The following RBMS3 variants were observed in gnomAD, a reference collection of about 807,000 sequenced individuals.
RBMS3 encodes the protein RNA binding motif single stranded interacting protein 3.
Under a neutral mutation model 66.8 loss-of-function variants are expected in RBMS3, and 27 were observed. That is an observed-to-expected ratio of 0.40 (90% CI 0.30 to 0.56). The LOEUF is 0.56. Ranked by LOEUF, RBMS3 falls within the 20% of genes least tolerant of loss-of-function variation. The probability of loss-of-function intolerance (pLI) is 0.40; values close to 1 mark genes in which losing one functional copy is unlikely to be tolerated. For missense variants in RBMS3, 513 were observed against 549.5 expected (o/e 0.93, Z 0.66); for synonymous variants, 188 against 183.0 (o/e 1.03, Z -0.22).
intron 4 of RBMS3, among the ~76,000 whole-genome samples, chr3:29,680,607 C>T (rs1172584135): frequency 6.6e-6 from 1 of 152,122 alleles, no homozygotes; most frequent in Non-Finnish European, 1.5e-5. Flanking sequence ...GTAAAATTTC[C>T]CTAACATTTT....
intron 4 of RBMS3, among the ~76,000 whole-genome samples, chr3:29,673,014 C>T (rs1417642089): frequency 1.3e-5 from 2 of 151,314 alleles, no homozygotes; most frequent in South Asian, 2.1e-4. Flanking sequence ...TTACATTCCT[C>T]AGCAAATGTA....
At chr3:29,447,058 A>G (rs973338379) in intron 2 of RBMS3, among the ~76,000 whole-genome samples, 4 of 151,782 alleles carry the variant, frequency 2.6e-5, no homozygotes, top group Admixed American at 2.6e-4. Context: ...GATTGCAGGC[A>G]TCTGCCACCA....
intron 1 of RBMS3, among the ~76,000 whole-genome samples, chr3:29,400,898 T>C (rs984695924): frequency 3.9e-5 from 6 of 151,968 alleles, no homozygotes; most frequent in African/African-American, 1.4e-4. Context: ...AAACAGGAGA[T>C]TTTTGGACTG....
intron 3 of RBMS3, among the ~76,000 whole-genome samples, chr3:29,501,972 G>A (rs1431570869): frequency 9.2e-5 from 14 of 152,080 alleles, no homozygotes. Context: ...CTGCAGCTCA[G>A]CCCCATGAGC....
chr3:29,589,996 C>T (rs1018234637), intron 4 of RBMS3, among the ~76,000 whole-genome samples: 1 of 152,002 alleles, frequency 6.6e-6, no homozygotes, highest in African/African-American at 2.4e-5. Context: ...TAGCAAGTTA[C>T]CCAGGAAGTG....
chr3:29,691,610 A>G (rs530470289), intron 4 of RBMS3, among the ~76,000 whole-genome samples: 1 of 152,314 alleles, frequency 6.6e-6, no homozygotes, highest in East Asian at 1.9e-4. Flanking sequence ...AGGAAAAAAT[A>G]AAATAAAACA....
intron 3 of RBMS3, among the ~76,000 whole-genome samples, chr3:29,532,141 G>C (rs2045373546): frequency 6.7e-6 from 1 of 149,732 alleles, no homozygotes; most frequent in African/African-American, 2.5e-5. Context: ...TACTGTTTAG[G>C]TCTTCTATCT....
intron 3 of RBMS3, among the ~76,000 whole-genome samples, chr3:29,494,562 A>G (rs1016782047): frequency 1.3e-5 from 2 of 152,220 alleles, no homozygotes; most frequent in African/African-American, 4.8e-5. Flanking sequence ...TTCAAACACA[A>G]GGACTAAATA....
chr3:29,360,104 G>T (rs951037744), intron 1 of RBMS3, among the ~76,000 whole-genome samples: 10 of 152,022 alleles, frequency 6.6e-5, no homozygotes, highest in Non-Finnish European at 1.5e-4. Flanking sequence ...GAATGTGTTT[G>T]CTCTTGTTTC....
chr3:29,890,335 A>G (rs1037439730), intron 8 of RBMS3, among the ~76,000 whole-genome samples: 1 of 151,680 alleles, frequency 6.6e-6, no homozygotes, highest in Non-Finnish European at 1.5e-5. Context: ...GGAGCCTAAC[A>G]TAAGTGTCCA....
chr3:29,319,575 C>T (rs1310138778), intron 1 of RBMS3, among the ~76,000 whole-genome samples: 2 of 152,070 alleles, frequency 1.3e-5, no homozygotes, highest in African/African-American at 4.8e-5. Context: ...TTACACGGTA[C>T]CTCATTTAAT....
chr3:29,370,888 A>G (rs145411584), intron 1 of RBMS3, among the ~76,000 whole-genome samples: 1 of 152,306 alleles, frequency 6.6e-6, no homozygotes, highest in African/African-American at 2.4e-5. Context: ...GTCTCCCTAC[A>G]TGGCAGAGGC....
chr3:29,708,454 A>T (rs1480515201), intron 4 of RBMS3, among the ~76,000 whole-genome samples: 1 of 152,238 alleles, frequency 6.6e-6, no homozygotes, highest in East Asian at 1.9e-4. Flanking sequence ...CATTTGGGAA[A>T]ATAAAATAAT....
chr3:29,969,563 T>G (rs1165522569), intron 12 of RBMS3, among the ~76,000 whole-genome samples: 4 of 152,208 alleles, frequency 2.6e-5, no homozygotes, highest in African/African-American at 9.6e-5. Flanking sequence ...CACTACACCA[T>G]GCTAGGGAAG....
Position 29,991,085 on chromosome 3 carries a change from G to A in RBMS3, c.1183G>A (p.Val395Ile). The A allele has an allele frequency of 6.2e-7, 1 of 1,614,104 alleles. No homozygotes were observed. The highest frequency in any genetic ancestry group is 8.5e-7 in the Non-Finnish European group (1 of 1,180,002). Residue 395 changes from valine (V) to isoleucine (I), a missense_variant, in exon 14 of 15, where the codon GTT (valine) becomes ATT (isoleucine). By Grantham distance (29) the Val-to-Ile change is conservative (BLOSUM62 3). Transcript: ENST00000383767. ...ATGTTCTTATTTGCCTCCTTAGGGTGTTGTTGCTGATACCTCTCCCCAGAC... is the reference window on the plus strand; with the variant it reads ...ATGTTCTTATTTGCCTCCTTAGGGTATTGTTGCTGATACCTCTCCCCAGAC... ...VPPTAVSIEG[V>I]VADTSPQTVA... is the part of the protein sequence containing the mutation.
At chr3:29,813,906 T>C (rs1161294235) in intron 6 of RBMS3, among the ~76,000 whole-genome samples, 2 of 152,182 alleles carry the variant, frequency 1.3e-5, no homozygotes, top group Non-Finnish European at 2.9e-5. Flanking sequence ...TTTCTAGATA[T>C]ACAATCATGT....
At chr3:29,822,449 A>G (rs2058098262) in intron 6 of RBMS3, among the ~76,000 whole-genome samples, 1 of 152,194 alleles carries the variant, frequency 6.6e-6, no homozygotes, top group Non-Finnish European at 1.5e-5. Context: ...GCATTAAAAC[A>G]TATTACACTG....
chr3:29,696,870 G>T, intron 4 of RBMS3: 1 of 801,448 alleles, frequency 1.2e-6, no homozygotes, highest in Non-Finnish European at 1.5e-6. Flanking sequence ...TACACAAGGG[G>T]TGAGGGAGCT....
chr3:29,941,561 C>A (rs982724568), intron 11 of RBMS3, among the ~76,000 whole-genome samples: 3 of 151,588 alleles, frequency 2.0e-5, no homozygotes, highest in Non-Finnish European at 3.0e-5. Flanking sequence ...AAATGAAAGA[C>A]CTTTGAAGGG....
Sources: allele counts gnomAD v4.1 joint callset (sites outside exome capture counted in the v4.1 genomes callset), GRCh38; gene constraint gnomAD v4.1.1; transcripts MANE v1.5; gene names NCBI Gene and HGNC (gene_info 2026-07-23, HGNC 2026-07-21).